Variants in KMT2C observed in about 807,000 individuals in gnomAD.
KMT2C encodes histone-lysine N-methyltransferase 2C.
KMT2C carries 88 observed loss-of-function variants against 507.9 expected under a neutral mutation model. The observed-to-expected ratio is 0.17, with a 90% CI of 0.15 to 0.21. KMT2C has a LOEUF of 0.21. KMT2C is among the 10% of genes least tolerant of loss of function. The pLI is 1.00. For missense variants in KMT2C, 4,954 were observed against 5,957.8 expected, an observed-to-expected ratio of 0.83 and a Z score of 5.55; for synonymous variants, 2,049 against 2,080.8, an observed-to-expected ratio of 0.98 and a Z score of 0.42.
At chr7:152,211,039 G>C (rs1423866485) in intron 23 of KMT2C, among the ~76,000 whole-genome samples, 6 of 151,000 alleles carry the variant, frequency 4.0e-5, no homozygotes, top group Admixed American at 3.9e-4. Flanking sequence ...AGACCACTCA[G>C]TGCCTAACAA....
chr7:152,199,730 G>A (rs2094075137), intron 26 of KMT2C, among the ~76,000 whole-genome samples: 1 of 152,094 alleles, frequency 6.6e-6, no homozygotes, highest in South Asian at 2.1e-4. Context: ...AAGGTTTCTA[G>A]AAACTGCAGA....
chr7:152,152,702 C>T lies in KMT2C; in HGVS notation c.12526+3G>A, dbSNP rs1278488765. 6.2e-7 allele frequency: 1 copy of T among 1,613,352 alleles called. No homozygotes were observed. The highest frequency in any genetic ancestry group is 1.3e-5 in the African/African-American group (1 of 74,914). The stretch of plus-strand genomic sequence containing the variant: ...GGGGTTAACAAAAAGCTCACTAGCT[C>T]ACCATTGCTTGTTGGAGGAAATGGT... On this transcript the variant is annotated splice_donor_region_variant and intron_variant, in intron 49 of 58. Transcript: ENST00000262189.
chr7:152,414,506 C>T (rs569356516), intron 1 of KMT2C, among the ~76,000 whole-genome samples: 1 of 151,986 alleles, frequency 6.6e-6, no homozygotes, highest in Non-Finnish European at 1.5e-5. Context: ...CCAGCCTGGG[C>T]AACAAGCACG....
At chr7:152,158,518 T>G (rs1284425582) in intron 44 of KMT2C, among the ~76,000 whole-genome samples, 2 of 151,418 alleles carry the variant, frequency 1.3e-5, no homozygotes, top group Non-Finnish European at 2.9e-5. Flanking sequence ...TTTGTTTTTT[T>G]TTTGTTTTTT....
At chr7:152,275,700 T>G (rs2096068573) in intron 6 of KMT2C, among the ~76,000 whole-genome samples, 2 of 152,164 alleles carry the variant, frequency 1.3e-5, no homozygotes, top group Non-Finnish European at 2.9e-5. Context: ...GAACCCAGAA[T>G]TAACTACAAA....
chr7:152,285,287 C>A (rs192747239), intron 6 of KMT2C, among the ~76,000 whole-genome samples: 4 of 151,888 alleles, frequency 2.6e-5, no homozygotes, highest in African/African-American at 9.7e-5. Context: ...AGCAACAGAT[C>A]GGTGATTGGC....
chr7:152,249,108 T>C (rs1275573048), intron 13 of KMT2C, among the ~76,000 whole-genome samples: 1 of 152,162 alleles, frequency 6.6e-6, no homozygotes. Flanking sequence ...ATTCTTTGGA[T>C]ATAATCCTTG....
chr7:152,353,482 G>A (rs959332209), intron 2 of KMT2C, among the ~76,000 whole-genome samples: 2 of 152,046 alleles, frequency 1.3e-5, no homozygotes, highest in African/African-American at 4.8e-5. Flanking sequence ...ACCATGGTAG[G>A]AGACTCATTA....
At chr7:152,182,746 T>A in intron 35 of KMT2C, 152 bp from the exon 36 acceptor site, 2 of 783,218 alleles carry the variant, frequency 2.6e-6, no homozygotes, top group Non-Finnish European at 4.1e-6. Flanking sequence ...AGAAGAGAAA[T>A]TACTCATCAT....
intron 55 of KMT2C, among the ~76,000 whole-genome samples, chr7:152,140,149 C>G (rs897449279): frequency 4.6e-5 from 7 of 152,130 alleles, no homozygotes; most frequent in Admixed American, 1.3e-4. Flanking sequence ...GTTTATTTTA[C>G]CCCAATACTA....
Position 152,250,968 on chromosome 7 carries a change from T to G in KMT2C, c.1622-2A>C. Reference sequence around the variant, plus strand: ...CAACTTCCATTTCATTGTTATAATCTTAACAAAAAATTATTAATTCTTTAG... The same window carrying G: ...CAACTTCCATTTCATTGTTATAATCGTAACAAAAAATTATTAATTCTTTAG... On this transcript the variant is annotated splice_acceptor_variant, in intron 11 of 58. Transcript: ENST00000262189. LOFTEE classifies it high-confidence loss of function. The G allele has an allele frequency of 1.3e-6, 2 of 1,502,600 alleles. No homozygotes were observed. The highest frequency in any genetic ancestry group is 1.8e-6 in the Non-Finnish European group (2 of 1,081,364). The allele number at this position is 1,502,600 out of a possible 1,614,324, so 93.1% of individuals were successfully genotyped here.
chr7:152,343,309 A>AT (rs1466678268), intron 2 of KMT2C, among the ~76,000 whole-genome samples: 1 of 152,110 alleles, frequency 6.6e-6, no homozygotes, highest in Non-Finnish European at 1.5e-5. Flanking sequence ...AATGATAGAG[A>AT]TTTTTTTAAA....
intron 37 of KMT2C, among the ~76,000 whole-genome samples, 171 bp downstream of exon 37, chr7:152,179,663 G>T (rs57967656): frequency 8.4e-5 from 8 of 95,316 alleles, no homozygotes; most frequent in Admixed American, 2.1e-4. Context: ...AGAGGTTGGG[G>T]GGGGGGGGGG....
chr7:152,204,591 C>CTAGATAGATAGA lies in KMT2C; in HGVS notation c.3961+503_3961+514dup, dbSNP rs57456614. Reference sequence around the variant, plus strand: ...CAACCTGGGTGACATAGTGAGACCCCTAGATAGATAGATAGATAGATAGAT... The same window carrying CTAGATAGATAGA: ...CAACCTGGGTGACATAGTGAGACCCCTAGATAGATAGATAGATAGATAGATAGATAGATAGAT... On this transcript the variant is annotated intron_variant, in intron 25 of 58. Coordinates refer to ENST00000262189, the MANE Select transcript of KMT2C (RefSeq NM_170606.3). 2.3e-3 allele frequency among the ~76,000 whole-genome samples: 326 copies of CTAGATAGATAGA among 143,492 alleles called. 1 individual carries two copies. Among genetic ancestry groups the CTAGATAGATAGA allele is most frequent in the African/African-American group, 4.5e-3 (168 of 37,682 alleles). 94.1% of individuals were successfully genotyped at this position (143,492 alleles called of 152,430 possible).
chr7:152,397,094 C>T (rs2097542245), intron 1 of KMT2C, among the ~76,000 whole-genome samples: 1 of 152,112 alleles, frequency 6.6e-6, no homozygotes. Context: ...CATTTCTGTC[C>T]ACTCAACTAC....
At chr7:152,331,642 A>ATTTTT (rs34778581) in intron 2 of KMT2C, among the ~76,000 whole-genome samples, 6 of 99,298 alleles carry the variant, frequency 6.0e-5, no homozygotes, top group Admixed American at 1.1e-4. Flanking sequence ...CAACAAAAAG[A>ATTTTT]TTTTTTTTTT....
chr7:152,264,338 T>A (rs564789278), intron 8 of KMT2C, among the ~76,000 whole-genome samples: 1 of 152,094 alleles, frequency 6.6e-6, no homozygotes, highest in African/African-American at 2.4e-5. Flanking sequence ...ACTGGTAACA[T>A]CCCCAAATTA....
chr7:152,158,742 A>G, intron 44 of KMT2C, 121 bp downstream of exon 44: 2 of 841,498 alleles, frequency 2.4e-6, no homozygotes, highest in East Asian at 4.9e-5. Flanking sequence ...TCTAGAACTC[A>G]TGCCTCAAGT....
intron 3 of KMT2C, among the ~76,000 whole-genome samples, chr7:152,325,447 C>T (rs370070246): frequency 4.6e-5 from 7 of 151,064 alleles, no homozygotes; most frequent in African/African-American, 1.5e-4. Context: ...CGCACCCGGC[C>T]CCTTTTCTTT....
Sources: allele counts gnomAD v4.1 joint callset (sites outside exome capture counted in the v4.1 genomes callset), GRCh38; gene constraint gnomAD v4.1.1; transcripts MANE v1.5; gene names NCBI Gene and HGNC (gene_info 2026-07-23, HGNC 2026-07-21).